SCFD2: variants seen among roughly 807,000 people sequenced by gnomAD.
The protein encoded by SCFD2 is sec1 family domain containing 2.
A neutral mutation model predicts 58.9 loss-of-function variants in SCFD2; 54 were observed. That is an observed-to-expected ratio of 0.92 (90% CI 0.74 to 1.15). The LOEUF is 1.15. Among genes scored for constraint, SCFD2 ranks in the 50% most tolerant of loss-of-function variants. SCFD2 has a pLI of 0.00. For missense variants in SCFD2, 805 were observed against 836.6 expected, an observed-to-expected ratio of 0.96 and a Z score of 0.47; for synonymous variants, 321 against 335.9, an observed-to-expected ratio of 0.96 and a Z score of 0.49.
At chr4:53,350,514 C>A (rs139770766) in intron 2 of SCFD2, among the ~76,000 whole-genome samples, 6 of 152,254 alleles carry the variant, frequency 3.9e-5, no homozygotes, top group African/African-American at 1.4e-4. Context: ...TTTAAAAACC[C>A]TTTATTGCTT....
intron 2 of SCFD2, among the ~76,000 whole-genome samples, chr4:53,350,195 T>A (rs890750701): frequency 6.6e-5 from 10 of 152,180 alleles, no homozygotes; most frequent in African/African-American, 2.4e-4. Flanking sequence ...TCCATTTTCC[T>A]TTGAAGAACC....
intron 5 of SCFD2, among the ~76,000 whole-genome samples, chr4:53,098,567 T>C (rs1724733336): frequency 6.6e-6 from 1 of 152,126 alleles, no homozygotes; most frequent in Non-Finnish European, 1.5e-5. Flanking sequence ...TGATATCCCA[T>C]TTTGTTCTTT....
intron 2 of SCFD2, among the ~76,000 whole-genome samples, chr4:53,345,346 A>T (rs1734025209): frequency 6.6e-6 from 1 of 152,250 alleles, no homozygotes. Flanking sequence ...ACATGAAAAA[A>T]TGTTCATTAT....
At chr4:53,097,881 A>C (rs2148872449) in intron 5 of SCFD2, among the ~76,000 whole-genome samples, 1 of 152,248 alleles carries the variant, frequency 6.6e-6, no homozygotes. Flanking sequence ...TTATTTTGAG[A>C]TATGTCCAAT....
intron 4 of SCFD2, among the ~76,000 whole-genome samples, chr4:53,159,458 C>A (rs1453473332): frequency 2.0e-5 from 3 of 152,122 alleles, no homozygotes; most frequent in African/African-American, 7.2e-5. Context: ...AATCCAAATC[C>A]TTGGGACAAG....
At chr4:53,175,810 T>C (rs1172449919) in intron 4 of SCFD2, among the ~76,000 whole-genome samples, 1 of 152,192 alleles carries the variant, frequency 6.6e-6, no homozygotes, top group African/African-American at 2.4e-5. Flanking sequence ...TCTATAAAAT[T>C]GGAACACTGA....
At chr4:52,935,878 C>T (rs1361521370) in intron 5 of SCFD2, among the ~76,000 whole-genome samples, 1 of 152,116 alleles carries the variant, frequency 6.6e-6, no homozygotes. Context: ...CCTCTTGTTG[C>T]CCAGGCTGGA....
chr4:52,984,268 G>T (rs1721440969), intron 5 of SCFD2, among the ~76,000 whole-genome samples: 1 of 152,196 alleles, frequency 6.6e-6, no homozygotes, highest in Non-Finnish European at 1.5e-5. Flanking sequence ...GGTTGAAGTT[G>T]AACATTTACA....
At chr4:53,025,971 A>T (rs1331123580) in intron 5 of SCFD2, among the ~76,000 whole-genome samples, 2 of 151,946 alleles carry the variant, frequency 1.3e-5, no homozygotes, top group Non-Finnish European at 2.9e-5. Flanking sequence ...ATGTACTTTC[A>T]TGAACATGGA....
intron 5 of SCFD2, among the ~76,000 whole-genome samples, chr4:53,007,965 G>C (rs1722014849): frequency 6.6e-6 from 1 of 152,192 alleles, no homozygotes; most frequent in Non-Finnish European, 1.5e-5. Flanking sequence ...TCTAATGAAT[G>C]ATGTTCCTGG....
In SCFD2 at chr4:53,365,807, G is replaced by A. The variant is rs758510670; in HGVS notation, c.135C>T (p.Leu45=). 1 of 1,614,012 alleles carries A rather than the reference G, an allele frequency of 6.2e-7. No individual in the cohort carries two copies. The highest frequency in any genetic ancestry group is 8.5e-7 in the Non-Finnish European group (1 of 1,180,008). The change falls in exon 1 of 9, where the codon CTC becomes CTT. Residue 45 remains leucine, a synonymous_variant. Transcript: ENST00000401642. This position sits in a 1 kb window ranked among gnomAD's most constrained non-coding sequence, Gnocchi z 4.3. Reference sequence around the variant, plus strand: ...AGTCAGGACCCCCCACCGCCTCCAGGAGACGGGTGGATCCGCAGCCCCAGT... The same window carrying A: ...AGTCAGGACCCCCCACCGCCTCCAGAAGACGGGTGGATCCGCAGCCCCAGT... The part of the protein sequence containing the change: ...SLHWGCGSTR[L]LEAVGGPDCH...
intron 5 of SCFD2, among the ~76,000 whole-genome samples, chr4:52,987,458 G>A (rs1420881003): frequency 5.3e-5 from 8 of 151,906 alleles, no homozygotes; most frequent in East Asian, 1.9e-4. Context: ...CAAACTTTCC[G>A]CCTCAAAACA....
rs1200093903 is a variant in SCFD2, at chr4:53,089,529, C to T, written c.1561+55804G>A. 6.6e-5 allele frequency among the ~76,000 whole-genome samples: 10 copies of T among 152,104 alleles called. 1 individual carries two copies. The highest frequency in any genetic ancestry group is 6.6e-4 in the Admixed American group (10 of 15,266). On this transcript the variant is annotated intron_variant, in intron 5 of 8. Coordinates refer to ENST00000401642, the MANE Select transcript of SCFD2 (RefSeq NM_152540.4). ...AATAACTGAATATGGAATCAGCTTA[C>T]AATTTCTCTGCTGGTACAAAAGTCA... is the stretch of plus-strand genomic sequence containing the variant.
At chr4:53,344,314 CTGAG>C (rs1471170642) in intron 2 of SCFD2, among the ~76,000 whole-genome samples, 2 of 152,082 alleles carry the variant, frequency 1.3e-5, no homozygotes, top group African/African-American at 4.8e-5. Context: ...AACAGACAAA[CTGAG>C]AGCCAAATCA....
intron 5 of SCFD2, among the ~76,000 whole-genome samples, chr4:52,961,319 G>A (rs986274332): frequency 6.6e-5 from 10 of 152,052 alleles, no homozygotes; most frequent in African/African-American, 1.9e-4. Context: ...AGCTACTGGC[G>A]GCCATTTTGC....
chr4:53,169,302 C>A (rs1048282032), intron 4 of SCFD2, among the ~76,000 whole-genome samples: 1 of 152,088 alleles, frequency 6.6e-6, no homozygotes, highest in African/African-American at 2.4e-5. Flanking sequence ...AGGCAGTTTT[C>A]AGTGAGCCGA....
chr4:53,059,915 C>T (rs1426691417), intron 5 of SCFD2, among the ~76,000 whole-genome samples: 3 of 152,138 alleles, frequency 2.0e-5, no homozygotes, highest in Admixed American at 1.3e-4. Context: ...TCCAGTGCTA[C>T]AGTAACTAGA....
intron 2 of SCFD2, among the ~76,000 whole-genome samples, chr4:53,352,312 G>A (rs1734245352): frequency 6.6e-6 from 1 of 152,196 alleles, no homozygotes; most frequent in Non-Finnish European, 1.5e-5. Flanking sequence ...GAAACTATCT[G>A]TGAAATGGAG....
intron 5 of SCFD2, among the ~76,000 whole-genome samples, chr4:53,115,475 G>A (rs185567728): frequency 1.1e-4 from 16 of 152,218 alleles, no homozygotes; most frequent in Admixed American, 1.0e-3. Context: ...CTAAAAGGCA[G>A]AATTAATGAA....
Sources: allele counts gnomAD v4.1 joint callset (sites outside exome capture counted in the v4.1 genomes callset), GRCh38; gene constraint gnomAD v4.1.1; non-coding constraint Gnocchi (gnomAD v3.1); transcripts MANE v1.5; gene names NCBI Gene and HGNC (gene_info 2026-07-23, HGNC 2026-07-21).